The following SLC11A2 variants were observed in gnomAD, a reference collection of about 807,000 sequenced individuals.
SLC11A2 encodes the protein natural resistance-associated macrophage protein 2.
A neutral mutation model predicts 68.0 loss-of-function variants in SLC11A2; 38 were observed. That is an observed-to-expected ratio of 0.56 (90% CI 0.43 to 0.73). SLC11A2 has a LOEUF of 0.73. Among genes scored for constraint, SLC11A2 ranks in the 30% least tolerant of loss-of-function variants. SLC11A2 has a pLI of 0.00. For synonymous variants in SLC11A2, 242 were observed against 250.6 expected (o/e 0.97, Z 0.32); for missense variants, 517 against 690.5 (o/e 0.75, Z 2.82).
chr12:51,008,595 C>A lies in SLC11A2; in HGVS notation c.64G>T (p.Ala22Ser). Residue 22 changes from alanine (A) to serine (S), a missense_variant, in exon 3 of 16, where the codon GCC (alanine) becomes TCC (serine). Transcript: ENST00000262052. ...DSVSGDHGESASLGNINPAYS... is the reference protein window; with the variant it reads ...DSVSGDHGESSSLGNINPAYS... ...GCAGGGTTGATGTTACCAAGACTGG[C>A]AGACTCCCCATGATCTCCAGAAACA... 1 of 1,612,902 alleles carries A rather than the reference C, an allele frequency of 6.2e-7. No individual in the cohort carries two copies. Among genetic ancestry groups the A allele is most frequent in the South Asian group, 1.1e-5 (1 of 91,056 alleles).
At chr12:51,027,798 A>G (rs1283681977), upstream of SLC11A2, among the ~76,000 whole-genome samples, 1 of 152,116 alleles carries the variant, frequency 6.6e-6, no homozygotes, top group African/African-American at 2.4e-5. Context: ...ACGTAAAAAC[A>G]GCTAGGAGAA....
At chr12:51,021,477 T>C (rs1037035218) in intron 1 of SLC11A2, among the ~76,000 whole-genome samples, 1 of 151,958 alleles carries the variant, frequency 6.6e-6, no homozygotes, top group African/African-American at 2.4e-5. Context: ...AATACAATAA[T>C]TAGCCAGGCA....
chr12:51,008,245 GATAGATAGATAGATA>G lies in SLC11A2; in HGVS notation c.183+216_183+230del, dbSNP rs1433210705. On this transcript the variant is annotated intron_variant, in intron 3 of 15. Transcript: ENST00000262052. Reference sequence around the variant, plus strand: ...AGACAGATAGATAGATAGATAGATAGATAGATAGATAGATAGACGGACAGACAGACAGACAGAGAT... The same window carrying G: ...AGACAGATAGATAGATAGATAGATAGGACGGACAGACAGACAGACAGAGAT... 403 of 428,936 alleles carry G rather than the reference GATAGATAGATAGATA, an allele frequency of 9.4e-4. 4 individuals carry two copies. The highest frequency in any genetic ancestry group is 1.2e-3 in the Non-Finnish European group (278 of 238,686). The allele number at this position is 428,936 out of a possible 1,614,324, so 26.6% of individuals were successfully genotyped here.
chr12:50,985,987 C>G (rs1416296984), downstream of SLC11A2: 1 of 1,144,254 alleles, frequency 8.7e-7, no homozygotes, highest in African/African-American at 1.6e-5. Context: ...ACCCAGGAAA[C>G]CAAATTGGAA....
Position 50,986,143 on chromosome 12 carries a change from A to AT in SLC11A2, c.*2181dup, listed in dbSNP as rs1319269559. 7.8e-7 allele frequency: 1 copy of AT among 1,286,294 alleles called. No individual in the cohort carries two copies. Among genetic ancestry groups the AT allele is most frequent in the Admixed American group, 2.3e-5 (1 of 43,528 alleles). The allele number at this position is 1,286,294 out of a possible 1,614,324, so 79.7% of individuals were successfully genotyped here. A position where few individuals can be genotyped will look rare whatever the true frequency, so the allele number is the denominator to read the frequency against. On this transcript the variant is annotated 3_prime_UTR_variant, in exon 16 of 16. Transcript: ENST00000262052. ...TTTTCCCCTGTTAATTTCCAGTATA[A>AT]TGTAGCAGCACAATTATTTCATGTC...
At chr12:51,016,966 T>C (rs1366330386) in intron 1 of SLC11A2, among the ~76,000 whole-genome samples, 2 of 151,550 alleles carry the variant, frequency 1.3e-5, no homozygotes, top group Non-Finnish European at 1.5e-5. Context: ...TGAGTGTTGA[T>C]CAGGCCACTG....
At chr12:50,977,598 T>C (rs1241921885), downstream of SLC11A2, among the ~76,000 whole-genome samples, 1 of 152,168 alleles carries the variant, frequency 6.6e-6, no homozygotes, top group African/African-American at 2.4e-5. Context: ...AAGGACTTCA[T>C]GTCTAAACCA....
At chr12:50,997,882 G>A (rs1304476139) in intron 8 of SLC11A2, among the ~76,000 whole-genome samples, 2 of 151,540 alleles carry the variant, frequency 1.3e-5, no homozygotes, top group Non-Finnish European at 2.9e-5. Context: ...CAGCTACGTG[G>A]GAGGCTGAGG....
At chr12:51,015,539 C>G (rs1943581774) in intron 1 of SLC11A2, among the ~76,000 whole-genome samples, 1 of 151,138 alleles carries the variant, frequency 6.6e-6, no homozygotes. Context: ...AAGGGCCAGG[C>G]CAGTTATGCA....
the SLC11A2 span, chr12:50,954,232 A>G: frequency 1.8e-6 from 1 of 557,704 alleles, no homozygotes; most frequent in Admixed American, 3.4e-5. Context: ...CATGTGTTGA[A>G]CTTTCAGAAT....
the SLC11A2 span, chr12:50,970,564 G>A: frequency 2.4e-4 from 259 of 1,083,744 alleles, 2 homozygotes; most frequent in East Asian, 6.7e-3. Flanking sequence ...TTATTATGAA[G>A]AATAAATTTT....
At chr12:51,001,898 C>T (rs578054480) in intron 5 of SLC11A2, among the ~76,000 whole-genome samples, 1 of 152,194 alleles carries the variant, frequency 6.6e-6, no homozygotes, top group African/African-American at 2.4e-5. Flanking sequence ...TAATAATGCC[C>T]ACGTATGCAA....
intron 3 of SLC11A2, among the ~76,000 whole-genome samples, chr12:51,007,510 T>C (rs2136296805): frequency 6.6e-6 from 1 of 152,026 alleles, no homozygotes; most frequent in Non-Finnish European, 1.5e-5. Flanking sequence ...AACTTTTGTA[T>C]CTTTAGTAAA....
At chr12:51,023,724 A>G (rs1427681880) in intron 1 of SLC11A2, among the ~76,000 whole-genome samples, 1 of 152,200 alleles carries the variant, frequency 6.6e-6, no homozygotes, top group Non-Finnish European at 1.5e-5. Context: ...TACCAGGCCA[A>G]CTTCCAACTT....
At chr12:51,010,871 G>A in intron 1 of SLC11A2, 105 bp from the exon 2 acceptor site, 1 of 500,288 alleles carries the variant, frequency 2.0e-6, no homozygotes, top group South Asian at 4.1e-5. Context: ...TATGAAAAGA[G>A]TAATTTTTCT....
chr12:50,999,657 G>A, intron 6 of SLC11A2: 1 of 533,416 alleles, frequency 1.9e-6, no homozygotes, highest in Non-Finnish European at 3.3e-6. Context: ...TGAAAAGTTT[G>A]GGTCTTACCC....
At chr12:50,972,797 A>G in the SLC11A2 span, among the ~76,000 whole-genome samples, 2 of 152,198 alleles carry the variant, frequency 1.3e-5, no homozygotes, top group Non-Finnish European at 2.9e-5. Context: ...CCACCCTAAT[A>G]CTGCACTTTT....
the SLC11A2 span, among the ~76,000 whole-genome samples, chr12:50,970,065 TC>T: frequency 6.6e-6 from 1 of 152,136 alleles, no homozygotes; most frequent in Non-Finnish European, 1.5e-5. Flanking sequence ...AGGAATTAGA[TC>T]CACTCACCAT....
intron 11 of SLC11A2, among the ~76,000 whole-genome samples, chr12:50,993,760 A>G (rs922010507): frequency 1.4e-4 from 22 of 151,726 alleles, no homozygotes; most frequent in African/African-American, 5.3e-4. Context: ...CCCGGAAGGC[A>G]GAGATTGCAG....
Sources: gnomAD v4.1 joint callset for allele counts (sites outside exome capture counted in the v4.1 genomes callset) on GRCh38, gnomAD v4.1.1 for gene constraint, MANE v1.5 for transcripts, NCBI Gene and HGNC (gene_info 2026-07-23, HGNC 2026-07-21) for gene names.